Variants in THSD4 observed in about 807,000 individuals in gnomAD.
THSD4 encodes the protein thrombospondin type-1 domain-containing protein 4.
Under a neutral mutation model 119.0 loss-of-function variants are expected in THSD4, and 69 were observed. The observed-to-expected ratio is 0.58, with a 90% CI of 0.48 to 0.71. The LOEUF (loss-of-function observed/expected upper bound fraction) is 0.71. Ranked by LOEUF, THSD4 falls within the 30% of genes least tolerant of loss-of-function variation. THSD4 has a pLI of 0.00. For synonymous variants in THSD4, 524 were observed against 540.4 expected (o/e 0.97, Z 0.42); for missense variants, 1,393 against 1,391.1 (o/e 1.00, Z -0.02).
At chr15:71,742,308 C>G (rs963920350) in intron 11 of THSD4, among the ~76,000 whole-genome samples, 1 of 152,250 alleles carries the variant, frequency 6.6e-6, no homozygotes, top group Non-Finnish European at 1.5e-5. Context: ...GTGGTCCATA[C>G]TCACACAGCC....
intron 7 of THSD4, among the ~76,000 whole-genome samples, chr15:71,429,323 C>G (rs1409610221): frequency 6.6e-6 from 1 of 152,188 alleles, no homozygotes; most frequent in Non-Finnish European, 1.5e-5. Context: ...GGAAAATACA[C>G]AGTGGCCTGG....
chr15:71,353,552 T>C (rs1225864729), intron 6 of THSD4, among the ~76,000 whole-genome samples: 3 of 152,196 alleles, frequency 2.0e-5, no homozygotes, highest in Non-Finnish European at 4.4e-5. Context: ...GAAGGAGTCA[T>C]TGATGAGCTT....
intron 8 of THSD4, among the ~76,000 whole-genome samples, chr15:71,705,247 ATACT>A (rs2052372228): frequency 6.6e-6 from 1 of 152,174 alleles, no homozygotes; most frequent in South Asian, 2.1e-4. Flanking sequence ...GAGTCTTCAA[ATACT>A]TACTGAACTT....
At chr15:71,554,727 CTTTTT>C (rs34568649) in intron 7 of THSD4, among the ~76,000 whole-genome samples, 1 of 148,552 alleles carries the variant, frequency 6.7e-6, no homozygotes, top group Non-Finnish European at 1.5e-5. Flanking sequence ...AAAAAGTTAC[CTTTTT>C]TTTTTTTTTG....
intron 7 of THSD4, among the ~76,000 whole-genome samples, chr15:71,574,290 A>C (rs1416789511): frequency 6.6e-6 from 1 of 152,170 alleles, no homozygotes; most frequent in Non-Finnish European, 1.5e-5. Context: ...TCAAGTTTTG[A>C]ACCTTGCAAC....
chr15:71,234,165 C>A (rs1222093289), intron 4 of THSD4, among the ~76,000 whole-genome samples: 1 of 152,232 alleles, frequency 6.6e-6, no homozygotes, highest in Non-Finnish European at 1.5e-5. Flanking sequence ...ACATCCTAGT[C>A]AGGTGCTATG....
chr15:71,306,630 A>G (rs1248206526), intron 6 of THSD4, among the ~76,000 whole-genome samples: 1 of 152,218 alleles, frequency 6.6e-6, no homozygotes, highest in East Asian at 1.9e-4. Context: ...GGTGTCTGTT[A>G]GAGCCATACA....
intron 3 of THSD4, among the ~76,000 whole-genome samples, chr15:71,174,438 A>G (rs1251692770): frequency 3.4e-5 from 5 of 145,720 alleles, no homozygotes; most frequent in African/African-American, 1.0e-4. Flanking sequence ...CCGGCTTAAG[A>G]AACGGCGCAC....
intron 10 of THSD4, among the ~76,000 whole-genome samples, chr15:71,736,979 T>C (rs1047607346): frequency 1.3e-5 from 2 of 152,270 alleles, no homozygotes; most frequent in Non-Finnish European, 2.9e-5. Context: ...TTCTGCTTTT[T>C]TCTTTCACCA....
At chr15:71,111,214 G>A, upstream of THSD4, 1 of 1,613,660 alleles carries the variant, frequency 6.2e-7, no homozygotes, top group Non-Finnish European at 8.5e-7. Context: ...GCAGAAAAGG[G>A]AAAGAGAAGG....
chr15:71,328,379 T>C (rs976683622), intron 6 of THSD4, among the ~76,000 whole-genome samples: 2 of 152,230 alleles, frequency 1.3e-5, no homozygotes, highest in Non-Finnish European at 2.9e-5. Context: ...TTTATTTTGC[T>C]GGTGGCTTTG....
chr15:71,533,664 G>A (rs1160609286), intron 7 of THSD4, among the ~76,000 whole-genome samples: 1 of 152,146 alleles, frequency 6.6e-6, no homozygotes, highest in Non-Finnish European at 1.5e-5. Flanking sequence ...TATGAAGTCC[G>A]CTGATATTGC....
rs5813660 is a variant in THSD4, at chr15:71,717,599, CA to C, written c.1358-10935del. On this transcript the variant is annotated intron_variant, in intron 8 of 17. Coordinates refer to ENST00000261862, the MANE Select transcript of THSD4 (RefSeq NM_024817.3). ...AACTTAAATATGGCATTTAGCATAG[CA>C]AAAAAAAAAAAAAATCACAAAAGCA... Among the ~76,000 whole-genome samples, 1,284 of 143,976 alleles carry C rather than the reference CA, an allele frequency of 8.9e-3. 23 individuals carry two copies. Among genetic ancestry groups the C allele is most frequent in the Admixed American group, 0.04 (584 of 14,470 alleles). The allele number at this position is 143,976 out of a possible 152,430, so 94.5% of individuals were successfully genotyped here.
rs907287874 is a variant in THSD4, at chr15:71,672,798, T to A, written c.1357+12064T>A. On this transcript the variant is annotated intron_variant, in intron 8 of 17. Transcript: ENST00000261862. ...TATGTGACGGATTATGTTTATTGATTTGCGTATGTTGAACCAGCCTTGGAT... is the reference window on the plus strand; with the variant it reads ...TATGTGACGGATTATGTTTATTGATATGCGTATGTTGAACCAGCCTTGGAT... Among the ~76,000 whole-genome samples, 28 of 152,216 alleles carry A rather than the reference T, an allele frequency of 1.8e-4. 1 individual carries two copies. The highest frequency in any genetic ancestry group is 3.4e-4 in the Non-Finnish European group (23 of 68,016).
intron 3 of THSD4, among the ~76,000 whole-genome samples, chr15:71,174,238 G>C (rs1038297487): frequency 2.6e-5 from 4 of 152,138 alleles, no homozygotes; most frequent in Non-Finnish European, 5.9e-5. Flanking sequence ...CTGAGGTACC[G>C]GGTTCATCTC....
At chr15:71,436,976 T>C (rs975978883) in intron 7 of THSD4, among the ~76,000 whole-genome samples, 1 of 152,186 alleles carries the variant, frequency 6.6e-6, no homozygotes, top group African/African-American at 2.4e-5. Flanking sequence ...TGCACTGCTA[T>C]AAAGAAGACA....
intron 7 of THSD4, among the ~76,000 whole-genome samples, chr15:71,438,074 C>G (rs372800243): frequency 6.6e-6 from 1 of 152,194 alleles, no homozygotes; most frequent in African/African-American, 2.4e-5. Context: ...CCTTCACTTA[C>G]GTGCCCTAAG....
Position 71,256,513 on chromosome 15 carries a change from AAAAT to A in THSD4, c.913-92_913-89del, listed in dbSNP as rs562208355. The A allele has an allele frequency of 8.5e-5, 67 of 787,464 alleles. 1 individual carries two copies. The Admixed American group carries it at 1.6e-3, about 19-fold the overall frequency. 48.8% of individuals were successfully genotyped at this position (787,464 alleles called of 1,614,324 possible). On this transcript the variant is annotated intron_variant, in intron 5 of 17. Transcript: ENST00000261862. The stretch of plus-strand genomic sequence containing the variant: ...ATAAATAAATAAAGAATAAAAATAA[AAAAT>A]AAATAAAGTTGGAAAGGTATCCAGG...
chr15:71,130,990 T>C (rs2040498837), intron 1 of THSD4, among the ~76,000 whole-genome samples: 1 of 151,604 alleles, frequency 6.6e-6, no homozygotes, highest in Non-Finnish European at 1.5e-5. Flanking sequence ...GTGATCCGCC[T>C]GCCTTGGCCT....
Sources: gnomAD v4.1 joint callset for allele counts (sites outside exome capture counted in the v4.1 genomes callset) on GRCh38, gnomAD v4.1.1 for gene constraint, MANE v1.5 for transcripts, NCBI Gene and HGNC (gene_info 2026-07-23, HGNC 2026-07-21) for gene names.